CHRM3: variants seen among roughly 807,000 people sequenced by gnomAD.
CHRM3 encodes the protein muscarinic acetylcholine receptor M3.
A neutral mutation model predicts 41.8 loss-of-function variants in CHRM3; 11 were observed. That is an observed-to-expected ratio of 0.26 (90% CI 0.17 to 0.44). The LOEUF (loss-of-function observed/expected upper bound fraction) is 0.44, where lower values mean the gene tolerates loss of function less well. Ranked by LOEUF, CHRM3 falls within the 20% of genes least tolerant of loss-of-function variation. CHRM3 has a pLI of 1.00. For missense variants in CHRM3, 571 were observed against 745.4 expected (o/e 0.77, Z 2.72); for synonymous variants, 297 against 301.4 (o/e 0.99, Z 0.15).
At chr1:239,751,900 G>A (rs1289897784) in intron 5 of CHRM3, among the ~76,000 whole-genome samples, 1 of 152,070 alleles carries the variant, frequency 6.6e-6, no homozygotes, top group Admixed American at 6.6e-5. Flanking sequence ...TATTTTAAAG[G>A]CATGTGAGAA....
intron 4 of CHRM3, among the ~76,000 whole-genome samples, chr1:239,664,061 G>T (rs1460966377): frequency 6.6e-6 from 1 of 152,076 alleles, no homozygotes; most frequent in East Asian, 1.9e-4. Flanking sequence ...TCTTCCTTCT[G>T]GTTTTCGTGA....
chr1:239,529,866 C>T (rs966956702), intron 2 of CHRM3, among the ~76,000 whole-genome samples: 5 of 151,962 alleles, frequency 3.3e-5, no homozygotes, highest in African/African-American at 1.2e-4. Context: ...CTTTATTTGA[C>T]GAGAACTCTT....
chr1:239,887,313 T>A (rs498174), intron 6 of CHRM3, among the ~76,000 whole-genome samples: 1 of 151,838 alleles, frequency 6.6e-6, no homozygotes, highest in African/African-American at 2.4e-5. Context: ...GCGATTCTCC[T>A]GCCTCACCCT....
At chr1:239,642,873 GT>G (rs527959342) in intron 4 of CHRM3, among the ~76,000 whole-genome samples, 1 of 152,124 alleles carries the variant, frequency 6.6e-6, no homozygotes. Flanking sequence ...TTTCTGCTCT[GT>G]TTTTTCCCCA....
chr1:239,797,148 A>G (rs1236595386), intron 5 of CHRM3, among the ~76,000 whole-genome samples: 3 of 152,172 alleles, frequency 2.0e-5, no homozygotes, highest in Admixed American at 1.3e-4. Context: ...GGAGCTAAAC[A>G]TTGTGTACTC....
intron 1 of CHRM3, among the ~76,000 whole-genome samples, chr1:239,403,835 T>G (rs1169028097): frequency 6.6e-6 from 1 of 150,606 alleles, no homozygotes; most frequent in Non-Finnish European, 1.5e-5. Flanking sequence ...ACCAGCTGAA[T>G]AAAAATGGGG....
At chr1:239,729,325 G>A (rs186670403) in intron 5 of CHRM3, among the ~76,000 whole-genome samples, 393 of 151,964 alleles carry the variant, frequency 2.6e-3, no homozygotes, top group Non-Finnish European at 3.7e-3. Flanking sequence ...AAGCATAATG[G>A]TTGTGATGAA....
chr1:239,524,938 A>T (rs920823118), intron 2 of CHRM3, among the ~76,000 whole-genome samples: 1 of 152,184 alleles, frequency 6.6e-6, no homozygotes, highest in Non-Finnish European at 1.5e-5. Flanking sequence ...AAGTATTAAT[A>T]AAGTAATTTT....
At chr1:239,707,129 GT>G (rs1231419152) in intron 5 of CHRM3, 1 of 152,170 alleles carries the variant, frequency 6.6e-6, no homozygotes, top group Non-Finnish European at 1.5e-5. Context: ...TAACATCTAT[GT>G]AAGGTGGGGA....
At chr1:239,853,434 G>A (rs1674859058) in intron 6 of CHRM3, among the ~76,000 whole-genome samples, 1 of 151,102 alleles carries the variant, frequency 6.6e-6, no homozygotes, top group South Asian at 2.1e-4. Flanking sequence ...TCAGTGATTT[G>A]GAAAATGCAA....
intron 4 of CHRM3, among the ~76,000 whole-genome samples, chr1:239,671,466 G>C (rs1172688010): frequency 6.6e-6 from 1 of 152,050 alleles, no homozygotes; most frequent in Non-Finnish European, 1.5e-5. Context: ...CCAGCTACTG[G>C]GGAGGCTGAG....
intron 1 of CHRM3, among the ~76,000 whole-genome samples, chr1:239,487,857 CA>C (rs138469083): frequency 4.2e-4 from 39 of 93,734 alleles, no homozygotes; most frequent in Middle Eastern, 7.4e-3. Context: ...GTAATATTTG[CA>C]AAAAAAAAAA....
At chr1:239,585,479 A>T (rs1157872100) in intron 3 of CHRM3, among the ~76,000 whole-genome samples, 1 of 152,184 alleles carries the variant, frequency 6.6e-6, no homozygotes, top group Non-Finnish European at 1.5e-5. Context: ...GTACCCTTTC[A>T]TGGATTAGAG....
At chr1:239,414,070 T>C (rs1661315462) in intron 1 of CHRM3, among the ~76,000 whole-genome samples, 1 of 152,254 alleles carries the variant, frequency 6.6e-6, no homozygotes, top group East Asian at 1.9e-4. Context: ...GCTTCCGTGG[T>C]GGTTTTATGA....
intron 5 of CHRM3, among the ~76,000 whole-genome samples, chr1:239,684,134 G>A (rs1228498637): frequency 6.6e-6 from 1 of 152,110 alleles, no homozygotes; most frequent in African/African-American, 2.4e-5. Context: ...AAAACCATGG[G>A]TGGTTCAGTG....
rs488164 is a variant in CHRM3, at chr1:239,832,151, T to A, written c.-20+4773T>A. ...GAAGCAGCTGCATGTGAGCCTGCAC[T>A]GTCCCTCCATTGTACGGGTGGCACC... On this transcript the variant is annotated intron_variant, in intron 6 of 6. Transcript: ENST00000676153. Among the ~76,000 whole-genome samples the A allele has an allele frequency of 3.3e-5, 5 of 151,946 alleles. No individual in the cohort carries two copies. In the South Asian group the frequency reaches 1.0e-3, roughly 32 times the overall value.
intron 3 of CHRM3, among the ~76,000 whole-genome samples, chr1:239,602,110 G>GTGTGTGTGTGTGTGTATATATA (rs1307023039): frequency 2.7e-5 from 3 of 112,858 alleles, no homozygotes; most frequent in African/African-American, 1.0e-4. Context: ...GTGTGTGTGT[G>GTGTGTGTGTGTGTGTATATATA]TATATATATA....
chr1:239,490,408 C>T (rs1477964933), intron 1 of CHRM3, among the ~76,000 whole-genome samples: 1 of 152,078 alleles, frequency 6.6e-6, no homozygotes, highest in African/African-American at 2.4e-5. Flanking sequence ...ACCTTGAGAT[C>T]CTCCTTCTCT....
chr1:239,820,118 G>A (rs561492198), intron 5 of CHRM3, among the ~76,000 whole-genome samples: 1 of 152,120 alleles, frequency 6.6e-6, no homozygotes, highest in Admixed American at 6.5e-5. Context: ...ACCCTCAGAA[G>A]GTTCGCTGAA....
Sources: allele counts gnomAD v4.1 joint callset (sites outside exome capture counted in the v4.1 genomes callset), GRCh38; gene constraint gnomAD v4.1.1; transcripts MANE v1.5; gene names NCBI Gene and HGNC (gene_info 2026-07-23, HGNC 2026-07-21).